Variants in FOXK2 observed in about 807,000 individuals in gnomAD.
The protein encoded by FOXK2 is forkhead box K2, also known as forkhead box protein K2.
Under a neutral mutation model 53.3 loss-of-function variants are expected in FOXK2, and 24 were observed. The observed-to-expected ratio is 0.45, with a 90% CI of 0.33 to 0.63. The LOEUF (loss-of-function observed/expected upper bound fraction) is 0.63, where lower values mean the gene tolerates loss of function less well. FOXK2 is among the 30% of genes least tolerant of loss of function. The pLI is 0.03. For missense variants in FOXK2, 952 were observed against 910.5 expected (o/e 1.05, Z -0.59); for synonymous variants, 505 against 407.1 (o/e 1.24, Z -2.89).
Position 82,587,110 on chromosome 17 carries a change from G to C in FOXK2, c.1624G>C (p.Ala542Pro). The C allele has an allele frequency of 6.2e-7, 1 of 1,613,056 alleles. No individual in the cohort carries two copies. Among genetic ancestry groups the C allele is most frequent in the South Asian group, 1.1e-5 (1 of 91,088 alleles). The change falls in exon 8 of 9, where the codon GCC becomes CCC. Residue 542 changes from alanine (A) to proline (P), a missense_variant. Physicochemically the swap from Ala to Pro is conservative, Grantham distance 27. Transcript: ENST00000335255. ...CATTGGCCACGCCACGCTCGGCACT[G>C]CCAGCCGGATCATTCAGACGGCACA... ...PAIGHATLGT[A>P]SRIIQTAQTT...
chr17:82,542,116 A>G (rs1296185040), intron 1 of FOXK2, among the ~76,000 whole-genome samples: 1 of 150,274 alleles, frequency 6.7e-6, no homozygotes, highest in Non-Finnish European at 1.5e-5. Flanking sequence ...CCTGGCCTCA[A>G]GTGATCCACT....
At chr17:82,572,379 G>A (rs566566821) in intron 4 of FOXK2, among the ~76,000 whole-genome samples, 3 of 152,296 alleles carry the variant, frequency 2.0e-5, no homozygotes, top group East Asian at 1.9e-4. Context: ...TGAACGTGGT[G>A]TGCCCTGTCT....
chr17:82,536,472 C>G (rs2044521942), intron 1 of FOXK2, among the ~76,000 whole-genome samples: 1 of 152,168 alleles, frequency 6.6e-6, no homozygotes, highest in African/African-American at 2.4e-5. Flanking sequence ...ACGACTTTTC[C>G]AAGCTATTGT....
In FOXK2 at chr17:82,586,005, T is replaced by A. The variant is rs756992297; in HGVS notation, c.1381T>A (p.Ser461Thr). The change falls in exon 7 of 9, where the codon TCG (serine) becomes ACG (threonine). Residue 461 changes from serine to threonine, a missense_variant. Around this residue, in one of 5 missense-constraint regions of FOXK2, gnomAD observed 551 missense variants for 385.1 expected, o/e 1.43. Coordinates refer to ENST00000335255, the MANE Select transcript of FOXK2 (RefSeq NM_004514.4). ...CACTGTGGCCACCCCAGTGACCACC[T>A]CGACCTCCCAGCCACCCGTCGTGCA... ...TYTVATPVTT[S>T]TSQPPVVQTV... 6 of 1,612,774 alleles carry A rather than the reference T, an allele frequency of 3.7e-6. No individual in the cohort carries two copies. Among genetic ancestry groups the A allele is most frequent in the Non-Finnish European group, 1.7e-6 (2 of 1,179,960 alleles).
intron 8 of FOXK2, among the ~76,000 whole-genome samples, chr17:82,598,084 C>T (rs150555998): frequency 6.8e-6 from 1 of 146,180 alleles, no homozygotes; most frequent in African/African-American, 2.4e-5. Context: ...ATCTCATTGA[C>T]CATTTCTAGG....
intron 2 of FOXK2, among the ~76,000 whole-genome samples, chr17:82,565,156 C>T (rs1291070012): frequency 2.6e-5 from 4 of 152,086 alleles, no homozygotes; most frequent in African/African-American, 7.2e-5. Flanking sequence ...TATCTTATAC[C>T]GTGTGCAAAA....
intron 1 of FOXK2, among the ~76,000 whole-genome samples, chr17:82,537,917 C>CAAA (rs568515827): frequency 1.5e-5 from 1 of 67,522 alleles, no homozygotes; most frequent in African/African-American, 5.7e-5. Context: ...ACTCTGTCTC[C>CAAA]AAAAAAAAAA....
chr17:82,578,456 G>C (rs1333969353), intron 4 of FOXK2: 1 of 152,200 alleles, frequency 6.6e-6, no homozygotes, highest in African/African-American at 2.4e-5. Context: ...TAAAATTTCT[G>C]AATCATTAGA....
rs773974901 is a variant in FOXK2 at position 82,568,116 on chromosome 17, G to A, written c.677G>A (p.Arg226Gln). 2.5e-6 allele frequency: 4 copies of A among 1,613,992 alleles called. No individual in the cohort carries two copies. The highest frequency in any genetic ancestry group is 2.2e-5 in the South Asian group (2 of 91,078). ...GAGSSGYKVG[R>Q]VMPSDLNLMA... is the part of the protein sequence containing the mutation. Reference sequence around the variant, plus strand: ...GGGTCTTCAGGGTACAAGGTGGGCCGAGTGATGCCATCTGACCTCAATTTA... The same window carrying A: ...GGGTCTTCAGGGTACAAGGTGGGCCAAGTGATGCCATCTGACCTCAATTTA... Residue 226 changes from arginine to glutamine, a missense_variant, in exon 3 of 9, where the codon CGA becomes CAA. Around this residue, in one of 5 missense-constraint regions of FOXK2, gnomAD observed 160 missense variants for 214.2 expected, o/e 0.75. Transcript: ENST00000335255.
At chr17:82,555,481 T>C (rs1357044305) in intron 1 of FOXK2, among the ~76,000 whole-genome samples, 1 of 152,218 alleles carries the variant, frequency 6.6e-6, no homozygotes, top group Non-Finnish European at 1.5e-5. Flanking sequence ...CTGAACTCCA[T>C]AGAGAACCTG....
intron 1 of FOXK2, among the ~76,000 whole-genome samples, chr17:82,533,489 C>CAA (rs77314230): frequency 9.9e-4 from 143 of 144,828 alleles, no homozygotes; most frequent in African/African-American, 3.3e-3. Flanking sequence ...GACTTTGTCT[C>CAA]AAAAAAAAAA....
chr17:82,530,460 AAAAAAAG>A (rs1188660528), intron 1 of FOXK2, among the ~76,000 whole-genome samples: 35 of 144,920 alleles, frequency 2.4e-4, no homozygotes, highest in African/African-American at 8.4e-4. Flanking sequence ...AAAAAAAAAA[AAAAAAAG>A]AGAGAGAAAA....
rs3065019 is a variant in FOXK2, at chr17:82,567,926, C to CTT, written c.615-107_615-106dup. ...CATAGGAAATGCTGATATTCTCTTC[C>CTT]TTTTTTTTTTTTTTTTTTTTTTAAC... is the stretch of plus-strand genomic sequence containing the variant. On this transcript the variant is annotated intron_variant, in intron 2 of 8. Transcript: ENST00000335255. 1.6e-3 allele frequency: 693 copies of CTT among 423,122 alleles called. 1 individual carries two copies. The highest frequency in any genetic ancestry group is 1.8e-3 in the Non-Finnish European group (479 of 261,340). The allele number at this position is 423,122 out of a possible 1,614,324, so 26.2% of individuals were successfully genotyped here. A position where few individuals can be genotyped will look rare whatever the true frequency, so the allele number is the denominator to read the frequency against.
intron 1 of FOXK2, among the ~76,000 whole-genome samples, chr17:82,562,395 A>G (rs1056215977): frequency 3.3e-5 from 5 of 152,224 alleles, no homozygotes; most frequent in Non-Finnish European, 7.3e-5. Context: ...AGCCCGACCA[A>G]CATGGAGAAA....
In FOXK2 at chr17:82,601,382, CCAGCCGGAG is replaced by C. The variant is rs1567992138; in HGVS notation, c.1877_1885del (p.Gln626_Glu628del). 3 of 1,613,418 alleles carry C rather than the reference CCAGCCGGAG, an allele frequency of 1.9e-6. No homozygotes were observed. Among genetic ancestry groups the C allele is most frequent in the Non-Finnish European group, 8.5e-7 (1 of 1,180,040 alleles). On this transcript the variant is annotated inframe_deletion, in exon 9 of 9. Coordinates refer to ENST00000335255, the MANE Select transcript of FOXK2 (RefSeq NM_004514.4). ...TGCCCACAAAGCGCCACAACGGTGA[CCAGCCGGAG>C]CAGCCGGAGCTGAAGCGGATCAAGA... is the stretch of plus-strand genomic sequence containing the variant.
At chr17:82,568,029 A>G (rs1451030044) in intron 2 of FOXK2, 25 bp from the exon 3 acceptor site, 2 of 1,580,770 alleles carry the variant, frequency 1.3e-6, no homozygotes, top group Admixed American at 2.0e-5. Flanking sequence ...ATAGACTAAT[A>G]GGAACAACTT....
intron 4 of FOXK2, among the ~76,000 whole-genome samples, chr17:82,574,107 G>A (rs559216511): frequency 4.5e-4 from 68 of 152,340 alleles, no homozygotes; most frequent in African/African-American, 1.6e-3. Context: ...ACTAGCACAC[G>A]TCAGGCACCC....
At chr17:82,601,173 C>A in intron 8 of FOXK2, 130 bp from the exon 9 acceptor site, 1 of 1,017,252 alleles carries the variant, frequency 9.8e-7, no homozygotes. Context: ...GTGGCAGGAC[C>A]CTTAGAGGGC....
At chr17:82,601,235 G>A in intron 8 of FOXK2, 68 bp from the exon 9 acceptor site, 22 of 1,516,228 alleles carry the variant, frequency 1.5e-5, no homozygotes, top group Non-Finnish European at 1.9e-5. Context: ...TCACGTGAGA[G>A]CGTGGGGTTC....
Sources: allele counts gnomAD v4.1 joint callset (sites outside exome capture counted in the v4.1 genomes callset), GRCh38; gene constraint gnomAD v4.1.1; regional missense constraint gnomAD v4.1.1; transcripts MANE v1.5; gene names NCBI Gene and HGNC (gene_info 2026-07-23, HGNC 2026-07-21).